The following ANK3 variants were observed in gnomAD, a reference collection of about 807,000 sequenced individuals.
The protein encoded by ANK3 is ankyrin 3.
In ANK3, 57 loss-of-function variants were observed where a neutral mutation model predicts 370.9. That is an observed-to-expected ratio of 0.15 (90% confidence interval 0.12 to 0.19). ANK3 has a LOEUF of 0.19. Among genes scored for constraint, ANK3 ranks in the 10% least tolerant of loss-of-function variants. The pLI is 1.00. For synonymous variants in ANK3, 1,929 were observed against 1,946.3 expected (o/e 0.99, Z 0.23); for missense variants, 4,439 against 5,302.1 (o/e 0.84, Z 5.06).
intron 2 of ANK3, among the ~76,000 whole-genome samples, chr10:60,482,598 C>G (rs2075253042): frequency 6.6e-6 from 1 of 152,068 alleles, no homozygotes; most frequent in Non-Finnish European, 1.5e-5. Flanking sequence ...TAGATCCTCC[C>G]ACCTCATTCT....
chr10:60,384,743 G>A (rs1240068722), intron 1 of ANK3, among the ~76,000 whole-genome samples: 2 of 152,202 alleles, frequency 1.3e-5, no homozygotes, highest in African/African-American at 4.8e-5. Context: ...TGTAGAATAA[G>A]TGGTCAATAA....
chr10:60,210,390 C>G (rs547490307), intron 9 of ANK3, among the ~76,000 whole-genome samples: 1 of 151,728 alleles, frequency 6.6e-6, no homozygotes, highest in Admixed American at 6.6e-5. Context: ...TATACGGGGA[C>G]CACAGAGATC....
upstream of ANK3, among the ~76,000 whole-genome samples, chr10:60,393,381 A>AT (rs1208423065): frequency 3.9e-5 from 6 of 152,042 alleles, no homozygotes; most frequent in African/African-American, 7.2e-5. Context: ...GTCCGAAATA[A>AT]TTTTTTTTAA....
intron 23 of ANK3, chr10:60,141,073 AAG>A: frequency 1.0e-6 from 1 of 971,502 alleles, no homozygotes. Flanking sequence ...GGAGGGGAAA[AAG>A]AGAGAGGGAG....
In ANK3 at chr10:60,108,876, C is replaced by A; in HGVS notation, c.3127G>T (p.Ala1043Ser). ...PPPMVEGEGL[A>S]SRLVEMGPAG... Reference sequence around the variant, plus strand: ...GGACCCATTTCTACCAGCCTACTGGCTAATCCCTCTCCTTCCACCATGGGG... The same window carrying A: ...GGACCCATTTCTACCAGCCTACTGGATAATCCCTCTCCTTCCACCATGGGG... The change falls in exon 27 of 44, where the codon GCC becomes TCC. Residue 1043 changes from alanine (A) to serine (S), a missense_variant. Ala to Ser is a moderately conservative substitution (Grantham distance 99). This residue lies in a region of ANK3 where 702 missense variants were observed against 941.5 expected (regional missense o/e 0.75). Transcript: ENST00000280772. 1 of 1,614,116 alleles carries A rather than the reference C, an allele frequency of 6.2e-7. No individual in the cohort carries two copies. Among genetic ancestry groups the A allele is most frequent in the Non-Finnish European group, 8.5e-7 (1 of 1,179,976 alleles).
At chr10:60,122,649 CAT>C (rs1207179586) in intron 25 of ANK3, among the ~76,000 whole-genome samples, 1 of 152,190 alleles carries the variant, frequency 6.6e-6, no homozygotes, top group African/African-American at 2.4e-5. Flanking sequence ...TAAAAGAAAA[CAT>C]ATACGTCAAA....
intron 2 of ANK3, among the ~76,000 whole-genome samples, chr10:60,546,516 TAG>T (rs2076968835): frequency 6.6e-6 from 1 of 152,226 alleles, no homozygotes; most frequent in Admixed American, 6.5e-5. Flanking sequence ...AGGTAAATAC[TAG>T]GAGTTTTGCA....
At chr10:60,546,859 T>C (rs2076974951) in intron 2 of ANK3, among the ~76,000 whole-genome samples, 1 of 152,194 alleles carries the variant, frequency 6.6e-6, no homozygotes, top group Non-Finnish European at 1.5e-5. Context: ...TGCTTCCCAG[T>C]GCCAGGTGAC....
At chr10:60,648,938 A>G (rs1418938489) in intron 1 of ANK3, among the ~76,000 whole-genome samples, 3 of 152,060 alleles carry the variant, frequency 2.0e-5, no homozygotes, top group Admixed American at 2.0e-4. Flanking sequence ...GCCACAGCCC[A>G]AGGCAACCAT....
chr10:60,406,784 C>T (rs2063465288), intron 2 of ANK3, among the ~76,000 whole-genome samples: 1 of 152,206 alleles, frequency 6.6e-6, no homozygotes, highest in African/African-American at 2.4e-5. Context: ...TTAGCTAACT[C>T]TCATAAAGTA....
intron 1 of ANK3, among the ~76,000 whole-genome samples, chr10:60,311,474 CAAAAAAAAA>C (rs57897005): frequency 2.4e-5 from 3 of 125,926 alleles, no homozygotes; most frequent in Non-Finnish European, 5.0e-5. Context: ...ATATGGAAGC[CAAAAAAAAA>C]AAAAAAAAAA....
rs370901891 is a variant in ANK3 at position 60,200,239 on chromosome 10, G to A, written c.1393-12C>T. 3.5e-5 allele frequency: 56 copies of A among 1,607,540 alleles called. No homozygotes were observed. Among genetic ancestry groups the A allele is most frequent in the South Asian group, 2.1e-4 (19 of 90,908 alleles). On this transcript the variant is annotated splice_polypyrimidine_tract_variant and intron_variant, in intron 12 of 43. Coordinates refer to ENST00000280772, the MANE Select transcript of ANK3 (RefSeq NM_020987.5). ...GCTGTTTCTCCTCTCTGGGGAACATGAGCCAAAGTAAATTAGCTGCAGCTC... is the reference window on the plus strand; with the variant it reads ...GCTGTTTCTCCTCTCTGGGGAACATAAGCCAAAGTAAATTAGCTGCAGCTC...
chr10:60,435,362 G>A (rs931532982), intron 2 of ANK3, among the ~76,000 whole-genome samples: 2 of 152,044 alleles, frequency 1.3e-5, no homozygotes, highest in Non-Finnish European at 2.9e-5. Flanking sequence ...GACAAATTTA[G>A]TTCTGTCTCC....
chr10:60,693,062 G>T (rs10994473), intron 1 of ANK3, among the ~76,000 whole-genome samples: 5 of 152,214 alleles, frequency 3.3e-5, no homozygotes, highest in Non-Finnish European at 5.9e-5. Context: ...TGCACGAGCC[G>T]AAGCAGGGCG....
intron 42 of ANK3, among the ~76,000 whole-genome samples, chr10:60,047,816 T>C (rs982050922): frequency 7.2e-5 from 11 of 152,214 alleles, no homozygotes; most frequent in African/African-American, 2.7e-4. Context: ...GCTAATAAGG[T>C]AAACTCACGA....
At chr10:60,144,353 A>G (rs554226944) in intron 23 of ANK3, 109 of 275,460 alleles carry the variant, frequency 4.0e-4, no homozygotes, top group African/African-American at 2.5e-3. Context: ...CACAAAGCCC[A>G]GGAGCACAGT....
intron 16 of ANK3, among the ~76,000 whole-genome samples, chr10:60,195,470 A>G (rs1591571270): frequency 6.6e-6 from 1 of 151,994 alleles, no homozygotes; most frequent in Non-Finnish European, 1.5e-5. Flanking sequence ...AAATAACTGA[A>G]CAACACTGAA....
intron 1 of ANK3, among the ~76,000 whole-genome samples, chr10:60,284,995 CA>C (rs766821027): frequency 9.2e-5 from 14 of 151,944 alleles, no homozygotes; most frequent in Non-Finnish European, 2.1e-4. Context: ...ACCAAAAATA[CA>C]AAAAAGTTTC....
chr10:60,695,830 C>T (rs558928969), intron 1 of ANK3, among the ~76,000 whole-genome samples: 1 of 152,094 alleles, frequency 6.6e-6, no homozygotes, highest in South Asian at 2.1e-4. Flanking sequence ...CGTAACATCA[C>T]AATTAAAAGA....
Sources: allele counts gnomAD v4.1 joint callset (sites outside exome capture counted in the v4.1 genomes callset), GRCh38; gene constraint gnomAD v4.1.1; regional missense constraint gnomAD v4.1.1; transcripts MANE v1.5; gene names NCBI Gene and HGNC (gene_info 2026-07-23, HGNC 2026-07-21).